ARHGAP15: variants seen among roughly 807,000 people sequenced by gnomAD.
ARHGAP15 encodes Rho GTPase activating protein 15.
Under a neutral mutation model 63.7 loss-of-function variants are expected in ARHGAP15, and 51 were observed. The ratio of observed to expected loss-of-function variants is 0.80; its 90% CI spans 0.64 to 1.01. The LOEUF (loss-of-function observed/expected upper bound fraction) is 1.01, where lower values mean the gene tolerates loss of function less well. Among genes scored for constraint, ARHGAP15 ranks in the 50% least tolerant of loss-of-function variants. The pLI is 0.00. For synonymous variants in ARHGAP15, 191 were observed against 193.8 expected (o/e 0.99, Z 0.12); for missense variants, 560 against 564.6 (o/e 0.99, Z 0.08).
At chr2:143,303,969 G>A (rs1683042905) in intron 6 of ARHGAP15, among the ~76,000 whole-genome samples, 1 of 152,138 alleles carries the variant, frequency 6.6e-6, no homozygotes, top group Admixed American at 6.6e-5. Flanking sequence ...TGCTGGAGAG[G>A]ATGTGGAGAA....
chr2:143,574,546 G>C (rs928180518), intron 11 of ARHGAP15, among the ~76,000 whole-genome samples: 1 of 151,940 alleles, frequency 6.6e-6, no homozygotes, highest in East Asian at 1.9e-4. Flanking sequence ...TGAAAATGGG[G>C]AACTGTTCAT....
chr2:143,702,095 T>G (rs1196261122), intron 12 of ARHGAP15, among the ~76,000 whole-genome samples: 1 of 152,228 alleles, frequency 6.6e-6, no homozygotes, highest in East Asian at 1.9e-4. Context: ...GGTGGATGTT[T>G]GCCTTACATA....
At chr2:143,284,932 T>C (rs1682021638) in intron 6 of ARHGAP15, among the ~76,000 whole-genome samples, 1 of 152,308 alleles carries the variant, frequency 6.6e-6, no homozygotes, top group South Asian at 2.1e-4. Context: ...TTCTGTTTTT[T>C]TGAAAGACAA....
intron 6 of ARHGAP15, among the ~76,000 whole-genome samples, chr2:143,383,433 A>G (rs1574367744): frequency 1.3e-5 from 2 of 152,314 alleles, no homozygotes; most frequent in South Asian, 2.1e-4. Context: ...AATTGTTTTA[A>G]TGTCAAAAGA....
chr2:143,191,507 G>C (rs907890149), intron 2 of ARHGAP15, among the ~76,000 whole-genome samples: 1 of 152,184 alleles, frequency 6.6e-6, no homozygotes, highest in Non-Finnish European at 1.5e-5. Context: ...GCTAAGTATT[G>C]CAGATTTAAA....
intron 5 of ARHGAP15, among the ~76,000 whole-genome samples, chr2:143,231,174 G>T (rs943619666): frequency 1.3e-5 from 2 of 148,670 alleles, no homozygotes; most frequent in African/African-American, 5.0e-5. Flanking sequence ...CCTGCCAACA[G>T]AATTAGTAAG....
chr2:143,723,467 A>T (rs1349957978), intron 13 of ARHGAP15, among the ~76,000 whole-genome samples: 1 of 152,162 alleles, frequency 6.6e-6, no homozygotes, highest in Non-Finnish European at 1.5e-5. Flanking sequence ...AGGAATTCCT[A>T]GGGCAGCTTT....
chr2:143,622,781 TAAAAAA>T (rs34925907), intron 11 of ARHGAP15, among the ~76,000 whole-genome samples: 24 of 109,040 alleles, frequency 2.2e-4, no homozygotes, highest in African/African-American at 4.5e-4. Flanking sequence ...TTCATTTATT[TAAAAAA>T]AAAAAAAAAA....
At chr2:143,371,653 G>C (rs1278837068) in intron 6 of ARHGAP15, among the ~76,000 whole-genome samples, 3 of 151,486 alleles carry the variant, frequency 2.0e-5, no homozygotes, top group Admixed American at 2.0e-4. Context: ...TTTCTTTTTC[G>C]AGGCTAGCTT....
At chr2:143,591,577 A>G (rs1205557035) in intron 11 of ARHGAP15, among the ~76,000 whole-genome samples, 2 of 151,572 alleles carry the variant, frequency 1.3e-5, no homozygotes, top group Non-Finnish European at 2.9e-5. Context: ...ATTATTATGC[A>G]AGTGTTTCTG....
At chr2:143,574,269 G>T (rs1177340929) in intron 11 of ARHGAP15, among the ~76,000 whole-genome samples, 1 of 152,010 alleles carries the variant, frequency 6.6e-6, no homozygotes, top group East Asian at 1.9e-4. Context: ...TTTCTAAGAG[G>T]TGGCAACCTT....
chr2:143,139,952 G>C (rs1005823837), intron 1 of ARHGAP15, among the ~76,000 whole-genome samples: 3 of 151,952 alleles, frequency 2.0e-5, no homozygotes, highest in Non-Finnish European at 4.4e-5. Flanking sequence ...TTCCTCCCAA[G>C]GAAAAAATAT....
intron 6 of ARHGAP15, among the ~76,000 whole-genome samples, chr2:143,253,360 A>G (rs2104987312): frequency 6.6e-6 from 1 of 152,184 alleles, no homozygotes; most frequent in East Asian, 1.9e-4. Flanking sequence ...ACAACCAAAA[A>G]TGGACAGATT....
chr2:143,348,334 C>T (rs910566926), intron 6 of ARHGAP15, among the ~76,000 whole-genome samples: 4 of 152,084 alleles, frequency 2.6e-5, no homozygotes, highest in Non-Finnish European at 5.9e-5. Flanking sequence ...TGCGCTATTT[C>T]TCTGAAATAA....
intron 6 of ARHGAP15, among the ~76,000 whole-genome samples, chr2:143,350,646 C>G: frequency 6.8e-6 from 1 of 146,784 alleles, no homozygotes; most frequent in Admixed American, 6.9e-5. Flanking sequence ...AGTGAAACCC[C>G]GTCTCTATTA....
chr2:143,194,825 TAGTA>T (rs1368371309), intron 2 of ARHGAP15, among the ~76,000 whole-genome samples: 1 of 152,172 alleles, frequency 6.6e-6, no homozygotes, highest in Non-Finnish European at 1.5e-5. Context: ...TTTATTTAAA[TAGTA>T]AGGTCATGAC....
intron 9 of ARHGAP15, 24 bp from the exon 10 acceptor site, chr2:143,519,242 A>C (rs1693955102): frequency 6.5e-7 from 1 of 1,545,408 alleles, no homozygotes; most frequent in East Asian, 2.3e-5. Context: ...ATTTTAATGA[A>C]GCTCATCTTT....
intron 12 of ARHGAP15, among the ~76,000 whole-genome samples, chr2:143,641,695 T>C (rs1030968291): frequency 6.6e-6 from 1 of 152,168 alleles, no homozygotes; most frequent in African/African-American, 2.4e-5. Context: ...CTATTTATGA[T>C]ATAAACTTAG....
intron 11 of ARHGAP15, among the ~76,000 whole-genome samples, chr2:143,568,251 A>C (rs969358600): frequency 3.9e-5 from 6 of 152,216 alleles, no homozygotes; most frequent in African/African-American, 1.4e-4. Flanking sequence ...GAATGGGAGA[A>C]AATTTTTGCA....
Sources: gnomAD v4.1 joint callset for allele counts (sites outside exome capture counted in the v4.1 genomes callset) on GRCh38, gnomAD v4.1.1 for gene constraint, MANE v1.5 for transcripts, NCBI Gene and HGNC (gene_info 2026-07-23, HGNC 2026-07-21) for gene names.